SLC39A4: variants seen among roughly 807,000 people sequenced by gnomAD.
The protein encoded by SLC39A4 is zinc transporter ZIP4.
A neutral mutation model predicts 56.6 loss-of-function variants in SLC39A4; 49 were observed. The ratio of observed to expected loss-of-function variants is 0.87; its 90% CI spans 0.69 to 1.10. SLC39A4 has a LOEUF of 1.10. Among genes scored for constraint, SLC39A4 ranks in the 50% least tolerant of loss-of-function variants. The pLI is 0.00. For missense variants in SLC39A4, 993 were observed against 864.2 expected (o/e 1.15, Z -1.87); for synonymous variants, 540 against 420.4 (o/e 1.28, Z -3.48).
chr8:144,416,354 G>T, intron 1 of SLC39A4: 2 of 1,461,694 alleles, frequency 1.4e-6, no homozygotes, highest in Non-Finnish European at 1.8e-6. Flanking sequence ...GATGGCAGAG[G>T]GCCGGCAGGG....
rs376300573 is a variant in SLC39A4, at chr8:144,414,119, G to T, written c.1150-24C>A. 1.9e-3 allele frequency: 2,926 copies of T among 1,552,620 alleles called. 6 individuals carry two copies. The highest frequency in any genetic ancestry group is 2.8e-3 in the Middle Eastern group (15 of 5,378). ...ACCTGGGGAGTAGGGGCGCTGGGCT[G>T]GGGGGGAGGTCCCAGGGCGCCTCCC... On this transcript the variant is annotated intron_variant, in intron 6 of 11. Transcript: ENST00000301305.
Position 144,412,488 on chromosome 8 carries a change from T to A in SLC39A4, c.*50A>T. 6.2e-7 allele frequency: 1 copy of A among 1,613,462 alleles called. No individual in the cohort carries two copies. Among genetic ancestry groups the A allele is most frequent in the South Asian group, 1.1e-5 (1 of 90,894 alleles). ...GGGCTTCTGGTTTCTGGGCTGTAGG[T>A]TTGTGAGGTGTGGGATCTTAAGTCA... On this transcript the variant is annotated 3_prime_UTR_variant, in exon 12 of 12. Coordinates refer to ENST00000301305, the MANE Select transcript of SLC39A4 (RefSeq NM_130849.4).
intron 5 of SLC39A4, 87 bp from the exon 6 acceptor site, chr8:144,414,521 T>C (rs1822081529): frequency 1.3e-6 from 2 of 1,539,534 alleles, no homozygotes; most frequent in South Asian, 1.2e-5. Flanking sequence ...CTGCAGGCCG[T>C]CAGTGTGGGC....
At chr8:144,413,194 GT>G in intron 10 of SLC39A4, 42 bp downstream of exon 10, 3 of 799,006 alleles carry the variant, frequency 3.8e-6, no homozygotes, top group Non-Finnish European at 5.5e-6. Context: ...TCCCAGCCCC[GT>G]GCGGCCCCGC....
At chr8:144,416,274 G>A in intron 1 of SLC39A4, 183 bp from the exon 2 acceptor site, 1 of 1,545,886 alleles carries the variant, frequency 6.5e-7, no homozygotes. Context: ...AACTACAGGG[G>A]TGCACGCAGA....
At position 144,415,234 on chromosome 8, in the gene SLC39A4, C is replaced by T. The variant is rs782529340; in HGVS notation, c.660G>A (p.Thr220=). The part of the protein sequence containing the change: ...FQQHSSEVPM[T]LAELSALMQR... ...GCCCAGCCCAGGCCTCACCGGCCAG[C>T]GTCATAGGGACCTCGCTGCTGTGCT... Residue 220 remains threonine (T), a synonymous_variant, in exon 3 of 12, where the codon ACG becomes ACA. Coordinates refer to ENST00000301305, the MANE Select transcript of SLC39A4 (RefSeq NM_130849.4). 30 of 1,612,912 alleles carry T rather than the reference C, an allele frequency of 1.9e-5. No homozygotes were observed. The highest frequency in any genetic ancestry group is 2.3e-5 in the Non-Finnish European group (27 of 1,179,856).
At chr8:144,416,373 C>T in intron 1 of SLC39A4, 2 of 1,455,398 alleles carry the variant, frequency 1.4e-6, no homozygotes, top group East Asian at 2.5e-5. Context: ...GGGGAGTTGG[C>T]CCTGGGGTCC....
chr8:144,412,535 G>A lies in SLC39A4; in HGVS notation c.*3C>T, dbSNP rs782622118. On this transcript the variant is annotated 3_prime_UTR_variant, in exon 12 of 12. Transcript: ENST00000301305. ...GTCAAAGGTGGGGGACTAGGGCAGG[G>A]TATCAGAAGGTGATGTCATCCTCGT... 4.3e-6 allele frequency: 7 copies of A among 1,614,084 alleles called. No homozygotes were observed. The highest frequency in any genetic ancestry group is 1.3e-5 in the African/African-American group (1 of 74,926).
Position 144,415,532 on chromosome 8 carries a change from G to A in SLC39A4, c.475-113C>T, listed in dbSNP as rs951134431. On this transcript the variant is annotated intron_variant, in intron 2 of 11. Coordinates refer to ENST00000301305, the MANE Select transcript of SLC39A4 (RefSeq NM_130849.4). Reference sequence around the variant, plus strand: ...TACAGGATCTGCCCCCACCAGCCCCGCCCCTCCCTGGAGCCACAGCCCTCC... The same window carrying A: ...TACAGGATCTGCCCCCACCAGCCCCACCCCTCCCTGGAGCCACAGCCCTCC... The A allele has an allele frequency of 4.8e-5, 62 of 1,283,704 alleles. 1 individual carries two copies. Among genetic ancestry groups the A allele is most frequent in the South Asian group, 3.8e-4 (26 of 69,022 alleles). The allele number at this position is 1,283,704 out of a possible 1,614,324, so 79.5% of individuals were successfully genotyped here.
chr8:144,415,186 A>C (rs1554873494), intron 3 of SLC39A4, 41 bp downstream of exon 3: 6 of 1,612,294 alleles, frequency 3.7e-6, no homozygotes, highest in Admixed American at 3.3e-5. Context: ...GAGGCTGGGG[A>C]CTCGGGGGTG....
chr8:144,416,392 A>G lies in SLC39A4; in HGVS notation c.192+206T>C, dbSNP rs562927418. The stretch of plus-strand genomic sequence containing the variant: ...AGTTGGCCCTGGGGTCCTGGGGAGA[A>G]GAGGGACTGTGTCCCTGGAAAGGCC... On this transcript the variant is annotated intron_variant, in intron 1 of 11. Transcript: ENST00000301305. 4.3e-5 allele frequency: 62 copies of G among 1,448,716 alleles called. No homozygotes were observed. In the African/African-American group the frequency reaches 8.1e-4, roughly 19 times the overall value. The allele number at this position is 1,448,716 out of a possible 1,614,324, so 89.7% of individuals were successfully genotyped here. A position where few individuals can be genotyped will look rare whatever the true frequency, so the allele number is the denominator to read the frequency against.
rs1554871778 is a variant in SLC39A4 at position 144,412,556 on chromosome 8, C to T, written c.1926G>A (p.Glu642=). 2 of 1,614,192 alleles carry T rather than the reference C, an allele frequency of 1.2e-6. No individual in the cohort carries two copies. The highest frequency in any genetic ancestry group is 3.3e-5 in the Admixed American group (2 of 60,032). The change falls in exon 12 of 12, where the codon GAG becomes GAA. Residue 642 remains glutamate (E), a synonymous_variant. Transcript: ENST00000301305. ...WTVLLLLSLY[E]DDITF ...CAGGGTATCAGAAGGTGATGTCATC[C>T]TCGTACAGGGACAGCAGCAGCAGGA...
rs782224121 is a variant in SLC39A4, at chr8:144,413,795, C to G, written c.1374G>C (p.Glu458Asp). Residue 458 changes from glutamate to aspartate, a missense_variant, in exon 8 of 12, where the codon GAG becomes GAC. Coordinates refer to ENST00000301305, the MANE Select transcript of SLC39A4 (RefSeq NM_130849.4). ...CGTGGGGGGGCTTGGGCTGCCGGAG[C>G]TCGCTGGGTGCCAGCTGCAGGGACA... ...HGVSLQLAPS[E>D]LRQPKPPHEG... The G allele has an allele frequency of 4.5e-6, 7 of 1,558,088 alleles. No individual in the cohort carries two copies. The African/African-American group carries it at 9.4e-5, about 21-fold the overall frequency.
intron 5 of SLC39A4, 67 bp from the exon 6 acceptor site, chr8:144,414,501 CTCACCA>C: frequency 6.5e-7 from 1 of 1,545,718 alleles, no homozygotes; most frequent in Non-Finnish European, 8.7e-7. Context: ...CCGGGCGCTG[CTCACCA>C]GAGCTGCAGG....
chr8:144,415,315 C>T lies in SLC39A4; in HGVS notation c.579G>A (p.Gly193=), dbSNP rs782761658. 8 of 1,612,998 alleles carry T rather than the reference C, an allele frequency of 5.0e-6. No homozygotes were observed. In the South Asian group the frequency reaches 6.6e-5, roughly 13 times the overall value. ...GGCTCGGCAAGGCGTGGAAGCAAGACCCGCTCCTGACATGGTCCAGCAGGG... is the reference window on the plus strand; with the variant it reads ...GGCTCGGCAAGGCGTGGAAGCAAGATCCGCTCCTGACATGGTCCAGCAGGG... ...LAALLDHVRS[G]SCFHALPSPQ... is the part of the protein sequence containing the mutation. Residue 193 remains glycine (G), a synonymous_variant, in exon 3 of 12, where the codon GGG becomes GGA. Coordinates refer to ENST00000301305, the MANE Select transcript of SLC39A4 (RefSeq NM_130849.4).
rs1822079263 is a variant in SLC39A4, at chr8:144,414,453, G to A, written c.977-19C>T. 1.9e-6 allele frequency: 3 copies of A among 1,550,130 alleles called. No individual in the cohort carries two copies. Among genetic ancestry groups the A allele is most frequent in the Middle Eastern group, 1.9e-4 (1 of 5,142 alleles). On this transcript the variant is annotated intron_variant, in intron 5 of 11. Coordinates refer to ENST00000301305, the MANE Select transcript of SLC39A4 (RefSeq NM_130849.4). The stretch of plus-strand genomic sequence containing the variant: ...AGATACCCTGGGGGCGGGTGAGGCG[G>A]CTGTGAGAGCTTTTCTTCCAGACTC...
Position 144,415,048 on chromosome 8 carries a change from G to GATGACT in SLC39A4, c.724_729dup (p.Ser242_His243dup). 6.2e-7 allele frequency: 1 copy of GATGACT among 1,611,408 alleles called. No individual in the cohort carries two copies. The highest frequency in any genetic ancestry group is 8.5e-7 in the Non-Finnish European group (1 of 1,179,926). On this transcript the variant is annotated inframe_insertion, in exon 4 of 12. Coordinates refer to ENST00000301305, the MANE Select transcript of SLC39A4 (RefSeq NM_130849.4). Reference sequence around the variant, plus strand: ...TCCCGGCTGCTGGCTCCCCTGTGCCGATGACTGTGGTCACTGTGGGCCTCC... The same window carrying GATGACT: ...TCCCGGCTGCTGGCTCCCCTGTGCCGATGACTATGACTGTGGTCACTGTGGGCCTCC...
rs541760813 is a variant in SLC39A4, at chr8:144,413,620, G to A, written c.1420-53C>T. ...CCGGAAGTGGAGGAGGAACGCGGTG[G>A]GGCGGGGCGGGGCCCCAGATCACCG... On this transcript the variant is annotated intron_variant, in intron 8 of 11. Transcript: ENST00000301305. The A allele has an allele frequency of 1.1e-4, 167 of 1,547,522 alleles. 2 individuals carry two copies. In the African/African-American group the frequency reaches 1.9e-3, roughly 18 times the overall value.
intron 2 of SLC39A4, 22 bp from the exon 3 acceptor site, chr8:144,415,441 C>A: frequency 1.3e-6 from 2 of 1,579,886 alleles, no homozygotes; most frequent in Middle Eastern, 2.1e-4. Context: ...GGGGCCTCCG[C>A]CTCAGCCTTT....
Sources: gnomAD v4.1 joint callset for allele counts on GRCh38, gnomAD v4.1.1 for gene constraint, MANE v1.5 for transcripts, NCBI Gene and HGNC (gene_info 2026-07-23, HGNC 2026-07-21) for gene names.